The following SRGAP3 variants were observed in gnomAD, a reference collection of about 807,000 sequenced individuals.
SRGAP3 encodes the protein SLIT-ROBO Rho GTPase-activating protein 3.
Under a neutral mutation model 121.1 loss-of-function variants are expected in SRGAP3, and 39 were observed. The ratio of observed to expected loss-of-function variants is 0.32; its 90% CI spans 0.25 to 0.42. The LOEUF (loss-of-function observed/expected upper bound fraction) is 0.42, where lower values mean the gene tolerates loss of function less well. Among genes scored for constraint, SRGAP3 ranks in the 10% least tolerant of loss-of-function variants. The pLI is 1.00. For missense variants in SRGAP3, 1,213 were observed against 1,470.6 expected (o/e 0.82, Z 2.86); for synonymous variants, 601 against 570.0 (o/e 1.05, Z -0.77).
intron 7 of SRGAP3, 24 bp downstream of exon 7, chr3:9,058,227 C>A (rs1354986838): frequency 1.2e-6 from 2 of 1,611,194 alleles, no homozygotes; most frequent in Admixed American, 3.3e-5. Context: ...CAGCCCCAAG[C>A]CCGGGCTCCA....
intron 3 of SRGAP3, among the ~76,000 whole-genome samples, chr3:9,087,031 T>C (rs182083670): frequency 6.6e-6 from 1 of 151,318 alleles, no homozygotes; most frequent in Non-Finnish European, 1.5e-5. Flanking sequence ...TATACGTATA[T>C]TATGTATGCA....
chr3:9,181,055 CCA>C (rs1951380490), intron 1 of SRGAP3, among the ~76,000 whole-genome samples: 1 of 152,208 alleles, frequency 6.6e-6, no homozygotes, highest in African/African-American at 2.4e-5. Flanking sequence ...GCTTGCAACC[CCA>C]GTTCTGTGAA....
At chr3:9,029,196 C>T (rs1424133978) in intron 12 of SRGAP3, among the ~76,000 whole-genome samples, 1 of 152,208 alleles carries the variant, frequency 6.6e-6, no homozygotes, top group Admixed American at 6.5e-5. Flanking sequence ...ATAGGTAATA[C>T]ATAGTGCTTA....
intron 1 of SRGAP3, among the ~76,000 whole-genome samples, chr3:9,134,453 A>G (rs1949569611): frequency 6.6e-6 from 1 of 151,938 alleles, no homozygotes; most frequent in Non-Finnish European, 1.5e-5. Flanking sequence ...ACAACATCTC[A>G]TCACATCTAC....
chr3:9,016,442 A>G (rs539696026), intron 14 of SRGAP3, among the ~76,000 whole-genome samples: 9 of 152,304 alleles, frequency 5.9e-5, no homozygotes, highest in South Asian at 2.1e-4. Context: ...TTAGACTCCA[A>G]TTAAATATTT....
Position 9,122,859 on chromosome 3 carries a change from T to TAG in SRGAP3, c.260+1864_260+1865dup, listed in dbSNP as rs1160772162. Among the ~76,000 whole-genome samples, 8 of 152,206 alleles carry TAG rather than the reference T, an allele frequency of 5.3e-5. No homozygotes were observed. In the East Asian group the frequency reaches 1.5e-3, roughly 29 times the overall value. ...TGTGGCACAGACTCAAGGAAGTGTT[T>TAG]AGAGGAGTTTAAAGGCAGAGAGCTC... On this transcript the variant is annotated intron_variant, in intron 2 of 21. Transcript: ENST00000383836.
intron 1 of SRGAP3, among the ~76,000 whole-genome samples, chr3:9,200,815 T>C (rs554782359): frequency 2.0e-5 from 3 of 152,300 alleles, no homozygotes; most frequent in Admixed American, 1.3e-4. Flanking sequence ...TTGAATCCCG[T>C]GGTGGGGCCC....
intron 3 of SRGAP3, among the ~76,000 whole-genome samples, chr3:9,302,716 C>T (rs1955084272): frequency 1.3e-5 from 2 of 152,138 alleles, no homozygotes; most frequent in South Asian, 4.1e-4. Flanking sequence ...TAGCGTCTGC[C>T]GCGGGGTGGG....
At chr3:9,106,090 A>G (rs988342594) in intron 2 of SRGAP3, among the ~76,000 whole-genome samples, 1 of 152,256 alleles carries the variant, frequency 6.6e-6, no homozygotes, top group African/African-American at 2.4e-5. Flanking sequence ...TCTCAAAATT[A>G]TAAGTCAACC....
intron 21 of SRGAP3, among the ~76,000 whole-genome samples, chr3:8,986,856 G>A (rs1036129713): frequency 6.6e-6 from 1 of 152,208 alleles, no homozygotes; most frequent in Non-Finnish European, 1.5e-5. Flanking sequence ...GCACTCTGAA[G>A]GACTCAGAGA....
At chr3:9,214,698 T>C (rs1327840514) in intron 1 of SRGAP3, among the ~76,000 whole-genome samples, 1 of 152,160 alleles carries the variant, frequency 6.6e-6, no homozygotes, top group African/African-American at 2.4e-5. Flanking sequence ...CCTATCTCGG[T>C]TTTGATCTGT....
chr3:8,999,042 T>C (rs565812707), intron 18 of SRGAP3, among the ~76,000 whole-genome samples: 22 of 152,342 alleles, frequency 1.4e-4, no homozygotes, highest in African/African-American at 5.1e-4. Flanking sequence ...ATTGACTATA[T>C]AGATATACAA....
chr3:9,209,515 G>A (rs1022141047), intron 1 of SRGAP3, among the ~76,000 whole-genome samples: 1 of 152,200 alleles, frequency 6.6e-6, no homozygotes, highest in African/African-American at 2.4e-5. Flanking sequence ...ACAAGTGTGT[G>A]AGGACAGTGG....
In SRGAP3 at chr3:9,231,075, T is replaced by C. The variant is rs530835915; in HGVS notation, c.67+17810A>G. 4.6e-5 allele frequency among the ~76,000 whole-genome samples: 7 copies of C among 152,162 alleles called. No individual in the cohort carries two copies. In the South Asian group the frequency reaches 1.5e-3, roughly 32 times the overall value. On this transcript the variant is annotated intron_variant, in intron 1 of 21. Transcript: ENST00000383836. Reference sequence around the variant, plus strand: ...AGCCCCCAAATTGAATCTCAGATAATCCTTCCAGCTTTGTCGAGCCACTGG... The same window carrying C: ...AGCCCCCAAATTGAATCTCAGATAACCCTTCCAGCTTTGTCGAGCCACTGG...
chr3:9,213,496 C>T (rs1038647006), intron 1 of SRGAP3, among the ~76,000 whole-genome samples: 8 of 152,190 alleles, frequency 5.3e-5, no homozygotes, highest in Admixed American at 6.5e-5. Context: ...GCCACATGCC[C>T]TAAGAGTGGT....
chr3:9,345,919 T>G (rs913741470), intron 1 of SRGAP3, among the ~76,000 whole-genome samples: 4 of 152,210 alleles, frequency 2.6e-5, no homozygotes, highest in Non-Finnish European at 5.9e-5. Flanking sequence ...ATTAGTCTTC[T>G]GGATGAACCA....
intron 18 of SRGAP3, among the ~76,000 whole-genome samples, chr3:9,003,595 T>C (rs1942892277): frequency 6.6e-6 from 1 of 152,244 alleles, no homozygotes; most frequent in Admixed American, 6.5e-5. Flanking sequence ...CAAATTGGTT[T>C]AACATCTAAA....
chr3:9,031,997 A>G (rs904031492), intron 12 of SRGAP3, among the ~76,000 whole-genome samples: 1 of 152,200 alleles, frequency 6.6e-6, no homozygotes, highest in Non-Finnish European at 1.5e-5. Flanking sequence ...TACACCAAAG[A>G]GAAAAGAAAA....
At chr3:9,085,214 G>A (rs1461241582) in intron 3 of SRGAP3, among the ~76,000 whole-genome samples, 2 of 152,214 alleles carry the variant, frequency 1.3e-5, no homozygotes, top group African/African-American at 4.8e-5. Context: ...AGGACACAAT[G>A]ACACCAAGTA....
Sources: allele counts gnomAD v4.1 joint callset (sites outside exome capture counted in the v4.1 genomes callset), GRCh38; gene constraint gnomAD v4.1.1; transcripts MANE v1.5; gene names NCBI Gene and HGNC (gene_info 2026-07-23, HGNC 2026-07-21).